Variants in PPP2R5E observed in about 807,000 individuals in gnomAD.
The protein encoded by PPP2R5E is serine/threonine-protein phosphatase 2A 56 kDa regulatory subunit epsilon isoform.
In PPP2R5E, 4 loss-of-function variants were observed where a neutral mutation model predicts 65.3. That is an observed-to-expected ratio of 0.06 (90% CI 0.03 to 0.14). The LOEUF is 0.14. PPP2R5E is among the 10% of genes least tolerant of loss of function. The pLI, the probability that PPP2R5E is intolerant of heterozygous loss-of-function variation, is 1.00. For missense variants in PPP2R5E, 274 were observed against 556.1 expected, an observed-to-expected ratio of 0.49 and a Z score of 5.10; for synonymous variants, 183 against 187.4, an observed-to-expected ratio of 0.98 and a Z score of 0.19.
intron 2 of PPP2R5E, among the ~76,000 whole-genome samples, chr14:63,524,790 T>C (rs1277357365): frequency 6.6e-6 from 1 of 152,180 alleles, no homozygotes; most frequent in African/African-American, 2.4e-5. Flanking sequence ...CCTCTCCCCA[T>C]CACCACCCAC....
At position 63,491,377 on chromosome 14, in the gene PPP2R5E, T is replaced by TA. The variant is rs1228257402; in HGVS notation, c.158-37493_158-37492insT. Among the ~76,000 whole-genome samples, 3 of 151,850 alleles carry TA rather than the reference T, an allele frequency of 2.0e-5. No individual in the cohort carries two copies. The East Asian group carries it at 5.8e-4, about 29-fold the overall frequency. ...ACGTGGACTCCCTGAATCTATAATT[T>TA]TAAAAAAAAAGCAGTATGACCAGTC... On this transcript the variant is annotated intron_variant, in intron 2 of 13. Coordinates refer to ENST00000337537, the MANE Select transcript of PPP2R5E (RefSeq NM_006246.5).
intron 13 of PPP2R5E, among the ~76,000 whole-genome samples, chr14:63,377,149 CA>C (rs951418693): frequency 2.2e-5 from 3 of 134,612 alleles, no homozygotes; most frequent in African/African-American, 5.5e-5. Context: ...ACTCCGTCTC[CA>C]AAAAAAAATA....
chr14:63,426,055 A>G (rs910283998), intron 3 of PPP2R5E, among the ~76,000 whole-genome samples: 2 of 152,232 alleles, frequency 1.3e-5, no homozygotes, highest in African/African-American at 4.8e-5. Context: ...GAGAAAGCAC[A>G]TGTCTGCTGG....
rs1213935296 is a variant in PPP2R5E, at chr14:63,393,843, T to C, written c.826A>G (p.Ser276Gly). ...ACCTGTGCATGGAAGAGTGATAAGC[T>C]CCTGACAGTGTGTAAAGGGATCAAT... ...KVLIPLHTVR[S>G]LSLFHAQLAY... The change falls in exon 8 of 14, where the codon AGC becomes GGC. Residue 276 changes from serine (S) to glycine (G), a missense_variant. Ser to Gly is a moderately conservative substitution (Grantham distance 56). This residue lies in a region of PPP2R5E where 129 missense variants were observed against 254.9 expected (regional missense o/e 0.51). Coordinates refer to ENST00000337537, the MANE Select transcript of PPP2R5E (RefSeq NM_006246.5). The C allele has an allele frequency of 6.2e-7, 1 of 1,604,960 alleles. No individual in the cohort carries two copies. The highest frequency in any genetic ancestry group is 1.1e-5 in the South Asian group (1 of 90,874).
At chr14:63,398,772 A>G (rs1006511530) in intron 5 of PPP2R5E, among the ~76,000 whole-genome samples, 4 of 152,224 alleles carry the variant, frequency 2.6e-5, no homozygotes, top group South Asian at 2.1e-4. Context: ...CCTAGGCAAC[A>G]GAGGAAGACT....
chr14:63,384,706 A>AAATGTGAT, intron 11 of PPP2R5E, 135 bp from the exon 12 acceptor site: 1 of 665,812 alleles, frequency 1.5e-6, no homozygotes. Context: ...TTAAATATTA[A>AAATGTGAT]TCACATTTTA....
At chr14:63,539,153 C>T (rs76747783) in intron 2 of PPP2R5E, among the ~76,000 whole-genome samples, 4,634 of 152,204 alleles carry the variant, frequency 0.03, 159 homozygotes, top group African/African-American at 0.08. Flanking sequence ...GGTACCATCT[C>T]CTCTACTAGG....
At chr14:63,447,058 C>A (rs1342230620) in intron 3 of PPP2R5E, among the ~76,000 whole-genome samples, 1 of 152,102 alleles carries the variant, frequency 6.6e-6, no homozygotes, top group African/African-American at 2.4e-5. Context: ...ATTTACAGAG[C>A]ATAGGCAGGG....
intron 4 of PPP2R5E, 51 bp from the exon 5 acceptor site, chr14:63,415,283 G>A: frequency 7.4e-7 from 1 of 1,349,012 alleles, no homozygotes; most frequent in Non-Finnish European, 1.0e-6. Context: ...ACTGAGAACA[G>A]TACTAAAAAC....
chr14:63,388,087 A>T (rs8015815), intron 11 of PPP2R5E, among the ~76,000 whole-genome samples: 22,781 of 150,310 alleles, frequency 0.15, 2,415 homozygotes, highest in East Asian at 0.48. Flanking sequence ...CTTCTGAGTA[A>T]CGCTTAGGCC....
intron 3 of PPP2R5E, among the ~76,000 whole-genome samples, chr14:63,445,836 C>T (rs868525014): frequency 1.4e-5 from 2 of 146,680 alleles, no homozygotes; most frequent in African/African-American, 2.6e-5. Flanking sequence ...AGTGAGACTC[C>T]GTCTCAAAAA....
chr14:63,500,318 G>C (rs539560076), intron 2 of PPP2R5E, among the ~76,000 whole-genome samples: 1 of 152,248 alleles, frequency 6.6e-6, no homozygotes, highest in Admixed American at 6.5e-5. Flanking sequence ...AATCAGATGG[G>C]TACATCACCT....
chr14:63,419,070 C>T (rs985731076), intron 4 of PPP2R5E, among the ~76,000 whole-genome samples: 1 of 152,164 alleles, frequency 6.6e-6, no homozygotes, highest in African/African-American at 2.4e-5. Context: ...TGCTCTCAAA[C>T]TCCTGGCTTC....
rs79020699 is a variant in PPP2R5E, at chr14:63,437,110, A to C, written c.355-15016T>G. Among the ~76,000 whole-genome samples the C allele has an allele frequency of 8.3e-3, 1,261 of 152,300 alleles. 12 individuals carry two copies. Among genetic ancestry groups the C allele is most frequent in the African/African-American group, 0.029 (1,193 of 41,554 alleles). On this transcript the variant is annotated intron_variant, in intron 3 of 13. Transcript: ENST00000337537. ...CCTCACCGCTACACCATGGTACTAC[A>C]TGGTACCACATACCAACGCCATGGC... is the stretch of plus-strand genomic sequence containing the variant.
chr14:63,527,150 CAA>C (rs1893216731), intron 2 of PPP2R5E, among the ~76,000 whole-genome samples: 1 of 152,010 alleles, frequency 6.6e-6, no homozygotes, highest in Non-Finnish European at 1.5e-5. Flanking sequence ...GCCTGGACAA[CAA>C]GAGGGAAACT....
At chr14:63,406,421 A>G (rs1025114181) in intron 5 of PPP2R5E, among the ~76,000 whole-genome samples, 7 of 151,860 alleles carry the variant, frequency 4.6e-5, no homozygotes, top group Admixed American at 1.3e-4. Context: ...AAAAAAAAAA[A>G]AAAAAGAAAA....
intron 13 of PPP2R5E, among the ~76,000 whole-genome samples, chr14:63,376,993 C>G (rs1594803647): frequency 2.0e-5 from 3 of 151,972 alleles, no homozygotes; most frequent in African/African-American, 7.2e-5. Context: ...ATTAGCCGGG[C>G]ATGGTGGCGT....
chr14:63,495,314 G>A (rs957520729), intron 2 of PPP2R5E, among the ~76,000 whole-genome samples: 1 of 151,228 alleles, frequency 6.6e-6, no homozygotes, highest in African/African-American at 2.4e-5. Context: ...GTTCACGCCT[G>A]AAATCCCAGC....
chr14:63,376,152 G>T (rs754518997), intron 13 of PPP2R5E, 44 bp from the exon 14 acceptor site: 1 of 1,321,096 alleles, frequency 7.6e-7, no homozygotes, highest in South Asian at 1.2e-5. Context: ...GAGGTTTAAT[G>T]AGATTATGCA....
Sources: gnomAD v4.1 joint callset for allele counts (sites outside exome capture counted in the v4.1 genomes callset) on GRCh38, gnomAD v4.1.1 for gene constraint, gnomAD v4.1.1 regional missense constraint, MANE v1.5 for transcripts, NCBI Gene and HGNC (gene_info 2026-07-23, HGNC 2026-07-21) for gene names.